DLG1: variants seen among roughly 807,000 people sequenced by gnomAD.
DLG1 encodes the protein disks large homolog 1.
In DLG1, 42 loss-of-function variants were observed where a neutral mutation model predicts 123.4. The observed-to-expected ratio is 0.34, with a 90% CI of 0.27 to 0.44. The LOEUF (loss-of-function observed/expected upper bound fraction) is 0.44, where lower values mean the gene tolerates loss of function less well. Ranked by LOEUF, DLG1 falls within the 20% of genes least tolerant of loss-of-function variation. DLG1 has a pLI of 1.00. For missense variants in DLG1, 942 were observed against 1,082.6 expected, an observed-to-expected ratio of 0.87 and a Z score of 1.82; for synonymous variants, 317 against 356.2, an observed-to-expected ratio of 0.89 and a Z score of 1.24.
At chr3:197,086,762 CAT>C (rs1331553015) in intron 15 of DLG1, among the ~76,000 whole-genome samples, 1 of 152,036 alleles carries the variant, frequency 6.6e-6, no homozygotes, top group Non-Finnish European at 1.5e-5. Context: ...TACATTCAAA[CAT>C]AGAGAAGATG....
rs1445389058 is a variant in DLG1 at position 197,075,645 on chromosome 3, T to G, written c.2005+941A>C. On this transcript the variant is annotated intron_variant, in intron 18 of 24. Transcript: ENST00000667157. ...AATTTTTCAAATGACATGTGAAAAA[T>G]AAAAACAAAAAGTTATGTATTACAG... 2.0e-5 allele frequency among the ~76,000 whole-genome samples: 3 copies of G among 151,890 alleles called. No homozygotes were observed. In the East Asian group the frequency reaches 5.8e-4, roughly 29 times the overall value.
At chr3:197,069,452 G>A (rs192042317) in intron 18 of DLG1, 192 bp from the exon 19 acceptor site, 23 of 408,524 alleles carry the variant, frequency 5.6e-5, no homozygotes, top group African/African-American at 4.6e-4. Context: ...CTGTAATTAA[G>A]GACAATGCCT....
chr3:197,139,998 T>C (rs748981350), intron 8 of DLG1, 142 bp downstream of exon 8: 25 of 796,032 alleles, frequency 3.1e-5, no homozygotes, highest in African/African-American at 5.3e-5. Flanking sequence ...ATCTCATTCA[T>C]TGACTTGAAT....
At chr3:197,264,336 T>A (rs9866451) in intron 4 of DLG1, among the ~76,000 whole-genome samples, 25,335 of 152,092 alleles carry the variant, frequency 0.17, 2,387 homozygotes, top group African/African-American at 0.25. Context: ...AATCCAAAAA[T>A]CCACAATCCA....
intron 15 of DLG1, among the ~76,000 whole-genome samples, chr3:197,088,925 A>G (rs1317806063): frequency 6.6e-6 from 1 of 152,246 alleles, no homozygotes; most frequent in Non-Finnish European, 1.5e-5. Flanking sequence ...TGTAAATGCT[A>G]TTAGTTTTAT....
In DLG1 at chr3:197,261,978, G is replaced by GAT. The variant is rs996969073; in HGVS notation, c.318+20699_318+20700dup. ...TCAGTAAATGCCAGCTACAGCTATA[G>GAT]ATCTATTGTGGTATAATATGAAATA... On this transcript the variant is annotated intron_variant, in intron 4 of 24. Coordinates refer to ENST00000667157, the MANE Select transcript of DLG1 (RefSeq NM_001366207.1). 1.4e-4 allele frequency among the ~76,000 whole-genome samples: 22 copies of GAT among 152,242 alleles called. 1 individual carries two copies. Among genetic ancestry groups the GAT allele is most frequent in the Admixed American group, 1.4e-3 (21 of 15,294 alleles).
intron 4 of DLG1, among the ~76,000 whole-genome samples, chr3:197,196,572 T>C (rs1467538717): frequency 6.6e-6 from 1 of 152,186 alleles, no homozygotes; most frequent in African/African-American, 2.4e-5. Context: ...ACTTAGGATA[T>C]ACTTTAGAAG....
intron 4 of DLG1, among the ~76,000 whole-genome samples, chr3:197,269,939 C>A (rs1763230833): frequency 6.6e-6 from 1 of 151,988 alleles, no homozygotes; most frequent in Admixed American, 6.6e-5. Context: ...CAATATTTTG[C>A]ATTAATATTT....
At chr3:197,104,555 G>A (rs1407175321) in intron 14 of DLG1, among the ~76,000 whole-genome samples, 2 of 152,076 alleles carry the variant, frequency 1.3e-5, no homozygotes, top group Non-Finnish European at 2.9e-5. Flanking sequence ...GGTGGTGCAT[G>A]CCTGTAATCC....
chr3:197,118,407 A>C lies in DLG1; in HGVS notation c.1286+1003T>G, dbSNP rs150299947. ...AACACTATTCTTTCTGCTAATTTTCATCCCAAACACAATTACTGACAACCT... is the reference window on the plus strand; with the variant it reads ...AACACTATTCTTTCTGCTAATTTTCCTCCCAAACACAATTACTGACAACCT... On this transcript the variant is annotated intron_variant, in intron 12 of 24. Coordinates refer to ENST00000667157, the MANE Select transcript of DLG1 (RefSeq NM_001366207.1). Among the ~76,000 whole-genome samples the C allele has an allele frequency of 3.3e-3, 510 of 152,316 alleles. 5 individuals carry two copies. The highest frequency in any genetic ancestry group is 0.011 in the African/African-American group (476 of 41,566).
At position 197,131,199 on chromosome 3, in the gene DLG1, A is replaced by G. The variant is rs568680668; in HGVS notation, c.1021-528T>C. Among the ~76,000 whole-genome samples the G allele has an allele frequency of 3.0e-4, 45 of 152,314 alleles. 2 individuals carry two copies. In the South Asian group the frequency reaches 6.8e-3, roughly 23 times the overall value. On this transcript the variant is annotated intron_variant, in intron 10 of 24. Transcript: ENST00000667157. Reference sequence around the variant, plus strand: ...TAGATTGGAAAACTATTAGAACACAATTGAGCACAAATATTTAAATTGTTC... The same window carrying G: ...TAGATTGGAAAACTATTAGAACACAGTTGAGCACAAATATTTAAATTGTTC...
intron 4 of DLG1, chr3:197,260,339 C>T (rs1292664291): frequency 5.1e-6 from 2 of 391,350 alleles, no homozygotes; most frequent in Non-Finnish European, 1.0e-5. Context: ...TTTTAAGTTG[C>T]CTAGTTGAAC....
chr3:197,163,615 C>T (rs890796995), intron 5 of DLG1, among the ~76,000 whole-genome samples: 4 of 151,406 alleles, frequency 2.6e-5, no homozygotes, highest in African/African-American at 4.8e-5. Flanking sequence ...GTCCGCCTCC[C>T]GGGTTCAAGC....
intron 5 of DLG1, among the ~76,000 whole-genome samples, chr3:197,153,191 T>C (rs188026126): frequency 6.6e-6 from 1 of 152,216 alleles, no homozygotes; most frequent in Non-Finnish European, 1.5e-5. Context: ...TTAAATGCTA[T>C]GACTGAGGTG....
intron 4 of DLG1, among the ~76,000 whole-genome samples, chr3:197,212,721 A>G (rs1450865068): frequency 1.3e-5 from 2 of 152,234 alleles, no homozygotes; most frequent in African/African-American, 4.8e-5. Flanking sequence ...ATCTCTGTAA[A>G]GACCTTATCT....
chr3:197,056,575 C>G (rs1285521912), intron 23 of DLG1, among the ~76,000 whole-genome samples: 3 of 152,140 alleles, frequency 2.0e-5, no homozygotes, highest in African/African-American at 7.2e-5. Context: ...TGTGGAAAGG[C>G]TTTTTATGAC....
chr3:197,255,105 C>G (rs1756236841), intron 4 of DLG1, among the ~76,000 whole-genome samples: 1 of 151,970 alleles, frequency 6.6e-6, no homozygotes, highest in Non-Finnish European at 1.5e-5. Context: ...ATTTTAAATG[C>G]ACTATATTCA....
intron 23 of DLG1, among the ~76,000 whole-genome samples, chr3:197,053,936 AC>A (rs994335389): frequency 2.6e-5 from 4 of 152,062 alleles, no homozygotes; most frequent in Non-Finnish European, 5.9e-5. Context: ...TCTAAAAAAT[AC>A]AAAAATTAGC....
At chr3:197,258,681 T>C (rs1757979918) in intron 4 of DLG1, among the ~76,000 whole-genome samples, 1 of 152,082 alleles carries the variant, frequency 6.6e-6, no homozygotes, top group Admixed American at 6.5e-5. Context: ...CAAAGCTCTC[T>C]AAGACCAGAA....
Sources: gnomAD v4.1 joint callset for allele counts (sites outside exome capture counted in the v4.1 genomes callset) on GRCh38, gnomAD v4.1.1 for gene constraint, MANE v1.5 for transcripts, NCBI Gene and HGNC (gene_info 2026-07-23, HGNC 2026-07-21) for gene names.